IL1RAPL2: variants seen among roughly 807,000 people sequenced by gnomAD.
The protein encoded by IL1RAPL2 is interleukin 1 receptor accessory protein like 2.
A neutral mutation model predicts 44.1 loss-of-function variants in IL1RAPL2; 3 were observed. That is an observed-to-expected ratio of 0.07 (90% CI 0.03 to 0.18). IL1RAPL2 has a LOEUF of 0.18. IL1RAPL2 is among the 10% of genes least tolerant of loss of function. The pLI, the probability that IL1RAPL2 is intolerant of heterozygous loss-of-function variation, is 1.00. For synonymous variants in IL1RAPL2, 181 were observed against 178.8 expected, an observed-to-expected ratio of 1.01 and a Z score of -0.10; for missense variants, 391 against 496.4, an observed-to-expected ratio of 0.79 and a Z score of 2.02.
intron 1 of IL1RAPL2, among the ~76,000 whole-genome samples, chrX:104,644,813 A>T (rs897652477): frequency 1.8e-5 from 2 of 110,942 alleles, no homozygotes; most frequent in African/African-American, 6.5e-5. Context: ...TATCACAGCT[A>T]ATCTTTGTGA....
rs185373029 is a variant in IL1RAPL2 at position 105,337,639 on chromosome X, C to T, written c.697+70098C>T. Among the ~76,000 whole-genome samples, 664 of 111,816 alleles carry T rather than the reference C, an allele frequency of 5.9e-3. 2 individuals are homozygous for T. Among genetic ancestry groups the T allele is most frequent in the African/African-American group, 0.021 (637 of 30,705 alleles). The stretch of plus-strand genomic sequence containing the variant: ...GGGTGCAGTGGCTCACGCCTGTAAT[C>T]CCAGCACTTTGGGAGGCTGAGGCGG... On this transcript the variant is annotated intron_variant, in intron 5 of 10. Coordinates refer to ENST00000372582, the MANE Select transcript of IL1RAPL2 (RefSeq NM_017416.2).
intron 2 of IL1RAPL2, among the ~76,000 whole-genome samples, chrX:105,134,530 A>G (rs1318415512): frequency 8.9e-6 from 1 of 111,740 alleles, no homozygotes; most frequent in Admixed American, 9.5e-5. Context: ...TTCCTACTCT[A>G]TCAACATTGT....
At chrX:105,629,075 A>G (rs1281107571) in intron 6 of IL1RAPL2, among the ~76,000 whole-genome samples, 1 of 112,208 alleles carries the variant, frequency 8.9e-6, no homozygotes, top group Non-Finnish European at 1.9e-5. Flanking sequence ...ACACAGTGAA[A>G]GACTAGAATC....
intron 2 of IL1RAPL2, among the ~76,000 whole-genome samples, chrX:104,688,500 C>A (rs1003608346): frequency 2.7e-5 from 3 of 111,466 alleles, no homozygotes; most frequent in Non-Finnish European, 5.6e-5. Context: ...TCCTACACCC[C>A]CAACGCTTAA....
At chrX:104,889,298 G>A (rs1022104123) in intron 2 of IL1RAPL2, among the ~76,000 whole-genome samples, 7 of 111,296 alleles carry the variant, frequency 6.3e-5, no homozygotes, top group African/African-American at 2.3e-4. Flanking sequence ...GTTCCTAGTC[G>A]ATACAAAACG....
At chrX:105,388,009 A>G (rs1310357122) in intron 5 of IL1RAPL2, among the ~76,000 whole-genome samples, 2 of 106,713 alleles carry the variant, frequency 1.9e-5, no homozygotes, top group African/African-American at 3.4e-5. Flanking sequence ...TTAGCTGGGC[A>G]TGGTGGCACA....
chrX:104,575,069 C>T (rs1305349616), intron 1 of IL1RAPL2, among the ~76,000 whole-genome samples: 1 of 111,034 alleles, frequency 9.0e-6, no homozygotes, highest in Non-Finnish European at 1.9e-5. Context: ...ATAAGATAAG[C>T]TAGTCAAAGT....
At chrX:105,511,759 A>G (rs16984796) in intron 6 of IL1RAPL2, among the ~76,000 whole-genome samples, 19,853 of 111,542 alleles carry the variant, frequency 0.18, 4,345 homozygotes, top group African/African-American at 0.62. Flanking sequence ...AATATTGAGC[A>G]GGAGACTATC....
chrX:105,389,739 G>A (rs138619072), intron 5 of IL1RAPL2, among the ~76,000 whole-genome samples: 2,023 of 111,359 alleles, frequency 0.018, 22 homozygotes, highest in Non-Finnish European at 0.025. Flanking sequence ...TCACCTTTAA[G>A]TAGGGTGCTT....
intron 6 of IL1RAPL2, among the ~76,000 whole-genome samples, chrX:105,640,793 TAGATAG>T (rs1305450841): frequency 1.3e-4 from 9 of 68,550 alleles, no homozygotes; most frequent in African/African-American, 3.9e-4. Context: ...GATATAGATA[TAGATAG>T]AGAGAGAGAC....
At chrX:104,717,818 A>G (rs1167545054) in intron 2 of IL1RAPL2, among the ~76,000 whole-genome samples, 1 of 102,751 alleles carries the variant, frequency 9.7e-6, no homozygotes, top group Non-Finnish European at 2.0e-5. Flanking sequence ...ATGTGTTCTC[A>G]TTGTTCAATT....
At chrX:104,879,365 T>TAA (rs753494292) in intron 2 of IL1RAPL2, among the ~76,000 whole-genome samples, 22 of 31,029 alleles carry the variant, frequency 7.1e-4, no homozygotes, top group South Asian at 3.7e-3. Context: ...GCAAAACTAG[T>TAA]AAAAAAAAAA....
chrX:104,630,443 G>A (rs1037158081), intron 1 of IL1RAPL2, among the ~76,000 whole-genome samples: 3 of 109,557 alleles, frequency 2.7e-5, no homozygotes, highest in South Asian at 3.9e-4. Context: ...CACTGCGCCC[G>A]GCAGGCTGAT....
At chrX:104,701,625 A>T (rs1453513467) in intron 2 of IL1RAPL2, among the ~76,000 whole-genome samples, 2 of 112,144 alleles carry the variant, frequency 1.8e-5, no homozygotes, top group East Asian at 2.8e-4. Context: ...ATATGTATTC[A>T]TGATGGATGC....
At chrX:105,078,091 TGGA>T (rs1209550677) in intron 2 of IL1RAPL2, among the ~76,000 whole-genome samples, 1 of 112,052 alleles carries the variant, frequency 8.9e-6, no homozygotes, top group Non-Finnish European at 1.9e-5. Context: ...TGCGTTCCTT[TGGA>T]GGAGGAGAGG....
chrX:105,337,087 A>T lies in IL1RAPL2; in HGVS notation c.697+69546A>T, dbSNP rs748052000. ...CAGTGTTTATTTTTAAAAATGTAAC[A>T]TCCTCTAAAATGAACATATACTCTC... On this transcript the variant is annotated intron_variant, in intron 5 of 10. Transcript: ENST00000372582. Among the ~76,000 whole-genome samples the T allele has an allele frequency of 1.6e-4, 18 of 111,994 alleles. No individual in the cohort carries two copies. In the Admixed American group the frequency reaches 1.7e-3, roughly 11 times the overall value.
At chrX:105,631,469 C>T (rs1569460118) in intron 6 of IL1RAPL2, among the ~76,000 whole-genome samples, 2 of 112,309 alleles carry the variant, frequency 1.8e-5, no homozygotes, top group Non-Finnish European at 3.8e-5. Context: ...CATGCTGCCC[C>T]GACAGACTCT....
At chrX:105,381,880 A>G (rs1480431504) in intron 5 of IL1RAPL2, among the ~76,000 whole-genome samples, 9 of 112,217 alleles carry the variant, frequency 8.0e-5, no homozygotes, top group Non-Finnish European at 1.7e-4. Context: ...AGGATTCCCT[A>G]TTTAATAAAT....
intron 6 of IL1RAPL2, among the ~76,000 whole-genome samples, chrX:105,561,961 TGAG>T (rs1340873655): frequency 2.7e-5 from 3 of 111,515 alleles, no homozygotes; most frequent in Non-Finnish European, 5.6e-5. Context: ...AAGCTGACTG[TGAG>T]GAGTAGCACT....
Sources: allele counts gnomAD v4.1 joint callset (sites outside exome capture counted in the v4.1 genomes callset), GRCh38; gene constraint gnomAD v4.1.1; transcripts MANE v1.5; gene names NCBI Gene and HGNC (gene_info 2026-07-23, HGNC 2026-07-21).